The following ZC2HC1A variants were observed in gnomAD, a reference collection of about 807,000 sequenced individuals.
ZC2HC1A encodes zinc finger C2HC domain-containing protein 1A.
In ZC2HC1A, 28 loss-of-function variants were observed where a neutral mutation model predicts 40.7. That is an observed-to-expected ratio of 0.69 (90% confidence interval 0.51 to 0.94). The LOEUF (loss-of-function observed/expected upper bound fraction) is 0.94. ZC2HC1A is among the 40% of genes least tolerant of loss of function. The pLI is 0.00. For missense variants in ZC2HC1A, 389 were observed against 386.3 expected, an observed-to-expected ratio of 1.01 and a Z score of -0.06; for synonymous variants, 129 against 129.2, an observed-to-expected ratio of 1.00 and a Z score of 0.01.
chr8:78,687,904 T>TA (rs1464031992), intron 4 of ZC2HC1A, among the ~76,000 whole-genome samples: 16 of 56,472 alleles, frequency 2.8e-4, no homozygotes, highest in Non-Finnish European at 5.5e-4. Flanking sequence ...ATTATATATA[T>TA]TTATATAAAT....
intron 5 of ZC2HC1A, among the ~76,000 whole-genome samples, chr8:78,692,073 G>T (rs1810229691): frequency 6.6e-6 from 1 of 151,966 alleles, no homozygotes; most frequent in South Asian, 2.1e-4. Context: ...TTGCAATTTT[G>T]AAAGGTATAA....
chr8:78,708,051 A>G (rs1428127562), intron 7 of ZC2HC1A, among the ~76,000 whole-genome samples: 1 of 152,166 alleles, frequency 6.6e-6, no homozygotes, highest in Admixed American at 6.5e-5. Flanking sequence ...ATCTATTGGC[A>G]TGTCACAGAA....
intron 1 of ZC2HC1A, among the ~76,000 whole-genome samples, chr8:78,673,577 G>A (rs190097605): frequency 7.0e-4 from 107 of 152,246 alleles, no homozygotes; most frequent in Non-Finnish European, 1.1e-3. Flanking sequence ...TCCAACATCT[G>A]TTGTTTCCTG....
chr8:78,693,576 G>A lies in ZC2HC1A; in HGVS notation c.505-3831G>A, dbSNP rs929985346. ...TATCCTTTGCCCACTTTTTGATGGG[G>A]TTGTTTGTTTTTTTCTTGTAAATTT... is the stretch of plus-strand genomic sequence containing the variant. On this transcript the variant is annotated intron_variant, in intron 5 of 8. Transcript: ENST00000263849. Among the ~76,000 whole-genome samples, 3 of 152,002 alleles carry A rather than the reference G, an allele frequency of 2.0e-5. No individual in the cohort carries two copies. In the East Asian group the frequency reaches 5.8e-4, roughly 29 times the overall value.
At chr8:78,708,078 G>T (rs1208547248) in intron 7 of ZC2HC1A, among the ~76,000 whole-genome samples, 1 of 152,100 alleles carries the variant, frequency 6.6e-6, no homozygotes, top group African/African-American at 2.4e-5. Flanking sequence ...TCTGGTACCA[G>T]TGAAAGAATT....
chr8:78,690,867 T>A (rs576540494), intron 5 of ZC2HC1A, among the ~76,000 whole-genome samples: 1 of 152,300 alleles, frequency 6.6e-6, no homozygotes, highest in South Asian at 2.1e-4. Context: ...TGGAATTTTA[T>A]TTTATTTCAT....
At chr8:78,716,560 C>T (rs1184716992) in intron 8 of ZC2HC1A, among the ~76,000 whole-genome samples, 1 of 152,104 alleles carries the variant, frequency 6.6e-6, no homozygotes, top group East Asian at 1.9e-4. Flanking sequence ...CCTCACAATC[C>T]TTGTGACCAA....
At chr8:78,670,785 A>AC (rs1809418932) in intron 1 of ZC2HC1A, among the ~76,000 whole-genome samples, 1 of 152,158 alleles carries the variant, frequency 6.6e-6, no homozygotes, top group African/African-American at 2.4e-5. Context: ...GTTTTGCTGA[A>AC]CTAGAGTGTA....
intron 5 of ZC2HC1A, among the ~76,000 whole-genome samples, chr8:78,689,736 A>G (rs529339191): frequency 2.6e-4 from 39 of 152,226 alleles, no homozygotes; most frequent in South Asian, 1.0e-3. Context: ...GTATATTAAG[A>G]ATATTTTCTC....
chr8:78,674,565 A>C (rs1159353946), intron 1 of ZC2HC1A, among the ~76,000 whole-genome samples: 1 of 152,166 alleles, frequency 6.6e-6, no homozygotes, highest in Non-Finnish European at 1.5e-5. Flanking sequence ...TTGGAGAAGG[A>C]CAAGTCAGGC....
intron 5 of ZC2HC1A, among the ~76,000 whole-genome samples, chr8:78,690,676 T>C (rs1488215862): frequency 1.3e-5 from 2 of 152,186 alleles, no homozygotes; most frequent in Non-Finnish European, 2.9e-5. Flanking sequence ...ATTAAATTCA[T>C]AAATCAATTT....
Position 78,709,456 on chromosome 8 carries a change from C to T in ZC2HC1A, c.705-5765C>T, listed in dbSNP as rs570140465. 6.6e-5 allele frequency among the ~76,000 whole-genome samples: 10 copies of T among 152,094 alleles called. No individual in the cohort carries two copies. In the East Asian group the frequency reaches 1.7e-3, roughly 26 times the overall value. ...GTTGATCTAGAAATGCTTGTGATAA[C>T]CTAGAATTCCAGACCTCGGTTTCTT... is the stretch of plus-strand genomic sequence containing the variant. On this transcript the variant is annotated intron_variant, in intron 7 of 8. Transcript: ENST00000263849.
chr8:78,683,969 A>G (rs1011010168), intron 3 of ZC2HC1A, among the ~76,000 whole-genome samples: 1 of 152,158 alleles, frequency 6.6e-6, no homozygotes, highest in African/African-American at 2.4e-5. Context: ...CTTCATCTCC[A>G]TCTGAGACCA....
intron 1 of ZC2HC1A, among the ~76,000 whole-genome samples, chr8:78,672,019 G>A (rs1364894330): frequency 6.6e-6 from 1 of 152,066 alleles, no homozygotes; most frequent in Non-Finnish European, 1.5e-5. Flanking sequence ...AAACCTTAGA[G>A]AGCTTAAGTA....
intron 5 of ZC2HC1A, among the ~76,000 whole-genome samples, chr8:78,692,391 C>T (rs1187469195): frequency 1.3e-5 from 2 of 152,124 alleles, no homozygotes; most frequent in African/African-American, 4.8e-5. Flanking sequence ...CTAAATCTGC[C>T]ACCTGTGGTC....
intron 2 of ZC2HC1A, among the ~76,000 whole-genome samples, chr8:78,676,653 G>A (rs1029337835): frequency 3.9e-5 from 6 of 151,932 alleles, no homozygotes; most frequent in Non-Finnish European, 7.4e-5. Context: ...TTTCTTTAAA[G>A]CAAAGTGAGG....
At chr8:78,697,561 A>T in intron 6 of ZC2HC1A, 55 bp downstream of exon 6, 2 of 1,358,538 alleles carry the variant, frequency 1.5e-6, no homozygotes, top group Non-Finnish European at 2.1e-6. Context: ...TTGGCAGAGC[A>T]GGAAATAAAG....
intron 1 of ZC2HC1A, among the ~76,000 whole-genome samples, chr8:78,669,936 G>A (rs908085135): frequency 2.0e-5 from 3 of 151,198 alleles, no homozygotes; most frequent in Non-Finnish European, 2.9e-5. Flanking sequence ...ATTGAATCAA[G>A]GAATGAATGT....
intron 3 of ZC2HC1A, among the ~76,000 whole-genome samples, chr8:78,681,075 CTT>C (rs112732264): frequency 2.1e-5 from 3 of 144,672 alleles, no homozygotes; most frequent in Non-Finnish European, 1.5e-5. Context: ...AGGCTGTGAC[CTT>C]TTTTTTTTTT....
Sources: gnomAD v4.1 joint callset for allele counts (sites outside exome capture counted in the v4.1 genomes callset) on GRCh38, gnomAD v4.1.1 for gene constraint, MANE v1.5 for transcripts, NCBI Gene and HGNC (gene_info 2026-07-23, HGNC 2026-07-21) for gene names.